TCF12: variants seen among roughly 807,000 people sequenced by gnomAD.
The protein encoded by TCF12 is transcription factor 12.
Under a neutral mutation model 86.0 loss-of-function variants are expected in TCF12, and 45 were observed. That is an observed-to-expected ratio of 0.52 (90% CI 0.41 to 0.67). The LOEUF is 0.67. Among genes scored for constraint, TCF12 ranks in the 30% least tolerant of loss-of-function variants. The probability of loss-of-function intolerance (pLI) is 0.00; values close to 1 mark genes in which losing one functional copy is unlikely to be tolerated. For synonymous variants in TCF12, 330 were observed against 299.6 expected, an observed-to-expected ratio of 1.10 and a Z score of -1.05; for missense variants, 881 against 859.9, an observed-to-expected ratio of 1.02 and a Z score of -0.31.
intron 18 of TCF12, among the ~76,000 whole-genome samples, chr15:57,269,072 A>G (rs796550239): frequency 6.6e-5 from 10 of 152,210 alleles, no homozygotes; most frequent in African/African-American, 2.2e-4. Context: ...CAAGTCCTGG[A>G]TATCCTTGTT....
intron 8 of TCF12, chr15:57,219,618 A>C: frequency 5.0e-6 from 8 of 1,606,148 alleles, no homozygotes; most frequent in Non-Finnish European, 5.1e-6. Flanking sequence ...TATAGCTTCT[A>C]ACTCACTTGT....
intron 3 of TCF12, among the ~76,000 whole-genome samples, chr15:56,997,223 CAT>C (rs537049529): frequency 3.0e-4 from 46 of 152,352 alleles, no homozygotes; most frequent in Admixed American, 2.7e-3. Flanking sequence ...GGAATCAACA[CAT>C]GTGCCTATCA....
rs147320955 is a variant in TCF12, at chr15:56,924,498, A to G, written c.148+3400A>G. Reference sequence around the variant, plus strand: ...AGGTTTTTACTGAACTGTGATAGAAATAGGAATGGTGATTTTAGAGAGGAA... The same window carrying G: ...AGGTTTTTACTGAACTGTGATAGAAGTAGGAATGGTGATTTTAGAGAGGAA... On this transcript the variant is annotated intron_variant, in intron 3 of 20. Coordinates refer to ENST00000333725, the MANE Select transcript of TCF12 (RefSeq NM_207037.2). Among the ~76,000 whole-genome samples, 193 of 152,370 alleles carry G rather than the reference A, an allele frequency of 1.3e-3. 2 individuals are homozygous for G. In the East Asian group the frequency reaches 0.031, roughly 24 times the overall value.
intron 5 of TCF12, among the ~76,000 whole-genome samples, chr15:57,116,973 T>C (rs763478687): frequency 9.9e-5 from 15 of 152,162 alleles, no homozygotes; most frequent in Non-Finnish European, 1.5e-4. Flanking sequence ...ATTTCATCAT[T>C]ATTTGGCATC....
intron 4 of TCF12, among the ~76,000 whole-genome samples, chr15:57,064,328 A>G (rs538010575): frequency 6.6e-6 from 1 of 152,336 alleles, no homozygotes; most frequent in African/African-American, 2.4e-5. Flanking sequence ...TCAACTTTCT[A>G]CACACTGAGG....
intron 8 of TCF12, among the ~76,000 whole-genome samples, chr15:57,204,760 A>G (rs1272100675): frequency 6.7e-6 from 1 of 149,468 alleles, no homozygotes; most frequent in East Asian, 2.0e-4. Flanking sequence ...TAAACTGAAG[A>G]TTTTTTTTTT....
chr15:57,167,893 A>G (rs115721873), intron 6 of TCF12, among the ~76,000 whole-genome samples: 1,770 of 152,312 alleles, frequency 0.012, 33 homozygotes, highest in African/African-American at 0.04. Flanking sequence ...TAAAATATAT[A>G]TAGATTAGCA....
At chr15:57,024,358 C>A (rs1487590163) in intron 3 of TCF12, among the ~76,000 whole-genome samples, 1 of 151,148 alleles carries the variant, frequency 6.6e-6, no homozygotes, top group Non-Finnish European at 1.5e-5. Flanking sequence ...AGATTACAGG[C>A]GCCCGCCACC....
chr15:57,031,381 G>GT (rs1265781705), intron 3 of TCF12, among the ~76,000 whole-genome samples: 1 of 46,228 alleles, frequency 2.2e-5, no homozygotes, highest in East Asian at 1.2e-3. Flanking sequence ...CTTGAGGTTT[G>GT]GGGGGTCAGA....
At chr15:57,174,465 A>G (rs1268607100) in intron 6 of TCF12, among the ~76,000 whole-genome samples, 2 of 152,250 alleles carry the variant, frequency 1.3e-5, no homozygotes, top group African/African-American at 4.8e-5. Flanking sequence ...ATACTTAGTG[A>G]TGAAAGACTA....
intron 3 of TCF12, among the ~76,000 whole-genome samples, chr15:57,037,897 A>G (rs1486269744): frequency 1.3e-5 from 2 of 152,362 alleles, no homozygotes; most frequent in African/African-American, 2.4e-5. Flanking sequence ...ATTGAACCAA[A>G]TCATAGGATA....
At chr15:57,024,214 G>GTTTTTTTTTTTTTTTTTTTTTT (rs2065675315) in intron 3 of TCF12, among the ~76,000 whole-genome samples, 1 of 114,864 alleles carries the variant, frequency 8.7e-6, no homozygotes, top group African/African-American at 3.9e-5. Flanking sequence ...TCAAAAAAGT[G>GTTTTTTTTTTTTTTTTTTTTTT]TCTTTTTTTT....
intron 6 of TCF12, among the ~76,000 whole-genome samples, chr15:57,170,687 A>ATG (rs1567558192): frequency 2.0e-4 from 2 of 10,166 alleles, no homozygotes; most frequent in African/African-American, 1.1e-3. Flanking sequence ...TATATTATAT[A>ATG]TAATATATAT....
intron 3 of TCF12, among the ~76,000 whole-genome samples, chr15:56,981,343 A>G (rs2062880482): frequency 6.6e-6 from 1 of 152,246 alleles, no homozygotes; most frequent in African/African-American, 2.4e-5. Context: ...CCATGCATTG[A>G]TGCCTCTTTG....
At chr15:56,971,038 A>T (rs2062286609) in intron 3 of TCF12, among the ~76,000 whole-genome samples, 1 of 152,194 alleles carries the variant, frequency 6.6e-6, no homozygotes, top group Admixed American at 6.5e-5. Flanking sequence ...CAAGAGTTAG[A>T]CCCTGTCTCA....
intron 5 of TCF12, among the ~76,000 whole-genome samples, chr15:57,160,852 G>T (rs1227404186): frequency 1.4e-5 from 2 of 147,210 alleles, no homozygotes; most frequent in African/African-American, 5.0e-5. Flanking sequence ...GCCCAGCTAA[G>T]TTTTTTTTTT....
Position 57,257,976 on chromosome 15 carries a change from T to A in TCF12, c.1468-4118T>A, listed in dbSNP as rs543498226. 5.3e-5 allele frequency among the ~76,000 whole-genome samples: 8 copies of A among 152,248 alleles called. 1 individual carries two copies. In the South Asian group the frequency reaches 1.7e-3, roughly 32 times the overall value. On this transcript the variant is annotated intron_variant, in intron 16 of 20. Transcript: ENST00000333725. ...AATAAACTGCTGAGAAGAAGGAAAA[T>A]TTTTTAGTAGAAAACTGAAAATAAA... is the stretch of plus-strand genomic sequence containing the variant.
chr15:57,098,108 G>A (rs560735515), intron 5 of TCF12, among the ~76,000 whole-genome samples: 4 of 149,670 alleles, frequency 2.7e-5, no homozygotes, highest in South Asian at 2.1e-4. Flanking sequence ...TTGCTTGAAC[G>A]CAGGAGACAG....
chr15:57,008,393 C>CTTTTTTTT (rs398027438), intron 3 of TCF12, among the ~76,000 whole-genome samples: 9 of 146,308 alleles, frequency 6.2e-5, no homozygotes, highest in African/African-American at 2.0e-4. Context: ...TTCTTTTTTT[C>CTTTTTTTT]GAGACAGGGT....
Sources: allele counts gnomAD v4.1 joint callset (sites outside exome capture counted in the v4.1 genomes callset), GRCh38; gene constraint gnomAD v4.1.1; transcripts MANE v1.5; gene names NCBI Gene and HGNC (gene_info 2026-07-23, HGNC 2026-07-21).